The following IARS1 variants were observed in gnomAD, a reference collection of about 807,000 sequenced individuals.
The protein encoded by IARS1 is isoleucyl-tRNA synthetase 1.
IARS1 carries 124 observed loss-of-function variants against 168.2 expected under a neutral mutation model. The observed-to-expected ratio is 0.74, with a 90% CI of 0.64 to 0.86. The LOEUF (loss-of-function observed/expected upper bound fraction) is 0.86. Ranked by LOEUF, IARS1 falls within the 40% of genes least tolerant of loss-of-function variation. The probability of loss-of-function intolerance (pLI) is 0.00; values close to 1 mark genes in which losing one functional copy is unlikely to be tolerated. For missense variants in IARS1, 1,452 were observed against 1,515.8 expected, an observed-to-expected ratio of 0.96 and a Z score of 0.70; for synonymous variants, 532 against 529.4, an observed-to-expected ratio of 1.00 and a Z score of -0.07.
chr9:92,262,289 T>A (rs1831636099), intron 17 of IARS1, among the ~76,000 whole-genome samples: 1 of 152,054 alleles, frequency 6.6e-6, no homozygotes, highest in South Asian at 2.1e-4. Flanking sequence ...TGGCAAAAAA[T>A]AAGGATGCAC....
chr9:92,284,773 A>T (rs62565130), intron 6 of IARS1, among the ~76,000 whole-genome samples: 1 of 152,150 alleles, frequency 6.6e-6, no homozygotes, highest in Non-Finnish European at 1.5e-5. Context: ...TGACTCAAAC[A>T]AACAAACAAA....
At chr9:92,235,419 T>C (rs917069712) in intron 30 of IARS1, among the ~76,000 whole-genome samples, 2 of 152,112 alleles carry the variant, frequency 1.3e-5, no homozygotes, top group South Asian at 2.1e-4. Context: ...AGGATTTTCA[T>C]CATGAATGGG....
At chr9:92,274,212 C>T (rs1159269815) in intron 10 of IARS1, among the ~76,000 whole-genome samples, 3 of 151,774 alleles carry the variant, frequency 2.0e-5, no homozygotes, top group South Asian at 2.1e-4. Flanking sequence ...GAACTGCACA[C>T]CAAAAAGAGT....
chr9:92,289,391 T>A lies in IARS1; in HGVS notation c.29A>T (p.Asn10Ile). Reference sequence around the variant, plus strand: ...GATTTTCTCTTCTTCAGCAGGAAAATTTATGTTTTCTGGAACTTGTTGAAG... The same window carrying A: ...GATTTTCTCTTCTTCAGCAGGAAAAATTATGTTTTCTGGAACTTGTTGAAG... MLQQVPENINFPAEEEKILE... is the reference protein window; with the variant it reads MLQQVPENIIFPAEEEKILE... The change falls in exon 2 of 34, where the codon AAT becomes ATT. Residue 10 changes from asparagine (N) to isoleucine (I), a missense_variant. Coordinates refer to ENST00000443024, the MANE Select transcript of IARS1 (RefSeq NM_002161.6). The A allele has an allele frequency of 1.9e-6, 3 of 1,580,736 alleles. No individual in the cohort carries two copies. Among genetic ancestry groups the A allele is most frequent in the Non-Finnish European group, 2.6e-6 (3 of 1,151,720 alleles).
At position 92,247,556 on chromosome 9, in the gene IARS1, A is replaced by G; in HGVS notation, c.2617-5T>C. 8 of 1,612,528 alleles carry G rather than the reference A, an allele frequency of 5.0e-6. No homozygotes were observed. The highest frequency in any genetic ancestry group is 6.8e-6 in the Non-Finnish European group (8 of 1,179,192). ...AACTTTTCGAACATTGAGTTCCTAC[A>G]GTTAATGCACAAGAGGAAACAAAAA... On this transcript the variant is annotated splice_polypyrimidine_tract_variant and splice_region_variant and intron_variant, in intron 25 of 33. Transcript: ENST00000443024.
chr9:92,280,270 T>A (rs1268183259), intron 7 of IARS1, among the ~76,000 whole-genome samples: 1 of 152,256 alleles, frequency 6.6e-6, no homozygotes, highest in Non-Finnish European at 1.5e-5. Context: ...TTTTCTCTTT[T>A]TCTTTTACCG....
chr9:92,290,961 A>G (rs1836228428), intron 1 of IARS1, among the ~76,000 whole-genome samples: 1 of 152,208 alleles, frequency 6.6e-6, no homozygotes, highest in Non-Finnish European at 1.5e-5. Flanking sequence ...TATAGATTCC[A>G]GTTTTCCATT....
intron 14 of IARS1, 109 bp from the exon 15 acceptor site, chr9:92,265,662 T>C: frequency 2.2e-6 from 2 of 929,142 alleles, no homozygotes; most frequent in Non-Finnish European, 3.5e-6. Flanking sequence ...GATTTTCTTT[T>C]TCCTTTTTTT....
At chr9:92,259,347 A>ACT (rs1831194776) in intron 18 of IARS1, among the ~76,000 whole-genome samples, 1 of 152,178 alleles carries the variant, frequency 6.6e-6, no homozygotes, top group Non-Finnish European at 1.5e-5. Flanking sequence ...CTTCCCACGG[A>ACT]CACGACCTGC....
chr9:92,280,716 T>C lies in IARS1; in HGVS notation c.745+30A>G, dbSNP rs374022009. On this transcript the variant is annotated intron_variant, in intron 7 of 33. Coordinates refer to ENST00000443024, the MANE Select transcript of IARS1 (RefSeq NM_002161.6). Reference sequence around the variant, plus strand: ...AAAATATAAAATTATCTTATCCATATTAATCATAAGTAACCAGCCTCCCAC... The same window carrying C: ...AAAATATAAAATTATCTTATCCATACTAATCATAAGTAACCAGCCTCCCAC... The C allele has an allele frequency of 6.7e-6, 10 of 1,486,992 alleles. No individual in the cohort carries two copies. The South Asian group carries it at 1.2e-4, about 17-fold the overall frequency. The allele number at this position is 1,486,992 out of a possible 1,614,324, so 92.1% of individuals were successfully genotyped here. A position where few individuals can be genotyped will look rare whatever the true frequency, so the allele number is the denominator to read the frequency against.
chr9:92,215,480 T>C (rs1838514180), intron 33 of IARS1, among the ~76,000 whole-genome samples: 1 of 152,090 alleles, frequency 6.6e-6, no homozygotes, highest in Non-Finnish European at 1.5e-5. Flanking sequence ...CTCTGAGCTA[T>C]GGGAGGACAT....
chr9:92,279,013 G>C (rs113581202), intron 7 of IARS1, among the ~76,000 whole-genome samples: 7 of 152,248 alleles, frequency 4.6e-5, no homozygotes, highest in Non-Finnish European at 1.0e-4. Context: ...GAAAAGAAAA[G>C]CTGGAGCAAA....
intron 6 of IARS1, among the ~76,000 whole-genome samples, chr9:92,283,464 C>T (rs1305085479): frequency 3.3e-5 from 5 of 151,928 alleles, no homozygotes; most frequent in African/African-American, 7.3e-5. Flanking sequence ...GCCAACATGG[C>T]GAAACCCTGT....
rs532606061 is a variant in IARS1, at chr9:92,286,859, C to T, written c.397-241G>A. Reference sequence around the variant, plus strand: ...ATAAATATTCACTTATAAAAGTCTACCAAAACCACCACTTGGCAAATATCA... The same window carrying T: ...ATAAATATTCACTTATAAAAGTCTATCAAAACCACCACTTGGCAAATATCA... On this transcript the variant is annotated intron_variant, in intron 4 of 33. Transcript: ENST00000443024. Among the ~76,000 whole-genome samples the T allele has an allele frequency of 3.9e-5, 6 of 152,224 alleles. No individual in the cohort carries two copies. In the East Asian group the frequency reaches 1.2e-3, roughly 29 times the overall value.
At position 92,233,432 on chromosome 9, in the gene IARS1, A is replaced by G. The variant is rs145699596; in HGVS notation, c.3284-4306T>C. ...AACTATTGTAAGCAACAGTGAATCT[A>G]AAGTGTTTCATCTTTGAGGAGATGC... On this transcript the variant is annotated intron_variant, in intron 30 of 33. Coordinates refer to ENST00000443024, the MANE Select transcript of IARS1 (RefSeq NM_002161.6). 4.5e-3 allele frequency among the ~76,000 whole-genome samples: 678 copies of G among 152,350 alleles called. 3 individuals are homozygous for G. Among genetic ancestry groups the G allele is most frequent in the Non-Finnish European group, 7.3e-3 (496 of 68,030 alleles).
chr9:92,265,377 C>T, intron 15 of IARS1, 103 bp downstream of exon 15: 1 of 1,098,602 alleles, frequency 9.1e-7, no homozygotes, highest in Non-Finnish European at 1.4e-6. Context: ...CAAAGTAATT[C>T]AGCAAGCTAG....
intron 33 of IARS1, among the ~76,000 whole-genome samples, chr9:92,211,349 G>GTC (rs369965185): frequency 2.7e-5 from 4 of 147,082 alleles, no homozygotes; most frequent in South Asian, 4.3e-4. Flanking sequence ...TGACTCCAGG[G>GTC]TCTCTCTCTC....
At chr9:92,231,541 G>C (rs1179246724) in intron 30 of IARS1, among the ~76,000 whole-genome samples, 4 of 149,916 alleles carry the variant, frequency 2.7e-5, no homozygotes, top group African/African-American at 9.8e-5. Flanking sequence ...AGCCTCTCGA[G>C]TAGCTGGGAT....
chr9:92,222,730 A>C (rs1328118655), intron 32 of IARS1, 58 bp from the exon 33 acceptor site: 30 of 1,590,316 alleles, frequency 1.9e-5, no homozygotes, highest in Non-Finnish European at 2.4e-5. Context: ...TAGCTCCAAA[A>C]GAGGTGGCCA....
Sources: allele counts gnomAD v4.1 joint callset (sites outside exome capture counted in the v4.1 genomes callset), GRCh38; gene constraint gnomAD v4.1.1; transcripts MANE v1.5; gene names NCBI Gene and HGNC (gene_info 2026-07-23, HGNC 2026-07-21).